Variants in NDUFAF6 observed in about 807,000 individuals in gnomAD.
NDUFAF6 encodes NADH dehydrogenase (ubiquinone) complex I, assembly factor 6.
NDUFAF6 carries 45 observed loss-of-function variants against 40.8 expected under a neutral mutation model. That is an observed-to-expected ratio of 1.10 (90% CI 0.87 to 1.42). NDUFAF6 has a LOEUF of 1.42. Among genes scored for constraint, NDUFAF6 ranks in the 40% most tolerant of loss-of-function variants. The pLI is 0.00. For synonymous variants in NDUFAF6, 185 were observed against 155.9 expected (o/e 1.19, Z -1.39); for missense variants, 435 against 418.5 (o/e 1.04, Z -0.34).
At chr8:95,049,025 C>T (rs1373168489) in intron 7 of NDUFAF6, among the ~76,000 whole-genome samples, 3 of 152,164 alleles carry the variant, frequency 2.0e-5, no homozygotes, top group Non-Finnish European at 4.4e-5. Flanking sequence ...GTATTTTTCT[C>T]TCCTAGGTGA....
intron 1 of NDUFAF6, among the ~76,000 whole-genome samples, chr8:95,025,514 A>G (rs1482192340): frequency 2.6e-5 from 4 of 152,324 alleles, no homozygotes; most frequent in East Asian, 3.9e-4. Flanking sequence ...CAGAACGTCT[A>G]TTAGTTTTAA....
chr8:94,948,874 G>A (rs1822269446), intron 2 of NDUFAF6, among the ~76,000 whole-genome samples: 1 of 151,844 alleles, frequency 6.6e-6, no homozygotes, highest in Admixed American at 6.6e-5. Context: ...GCCCAGCGCC[G>A]GGGCCAGGCC....
intron 9 of NDUFAF6, among the ~76,000 whole-genome samples, chr8:95,074,810 C>G (rs940933270): frequency 1.3e-5 from 2 of 152,138 alleles, no homozygotes; most frequent in African/African-American, 4.8e-5. Flanking sequence ...GGTTTCCTGT[C>G]CTTAGATTCC....
intron 4 of NDUFAF6, among the ~76,000 whole-genome samples, chr8:95,043,154 G>A (rs1022555102): frequency 5.4e-5 from 8 of 149,056 alleles, no homozygotes; most frequent in African/African-American, 1.7e-4. Flanking sequence ...ACACGATCTC[G>A]GCTCACTGCA....
chr8:95,091,202 G>C (rs188492373), intron 2 of NDUFAF6, among the ~76,000 whole-genome samples: 2 of 152,130 alleles, frequency 1.3e-5, no homozygotes, highest in Non-Finnish European at 2.9e-5. Flanking sequence ...AATTTATAAA[G>C]GAAAGAGGTT....
At position 94,934,255 on chromosome 8, in the gene NDUFAF6, A is replaced by G. The variant is rs570254291; in HGVS notation, c.-935-11228A>G. ...AATTTTTGCATATTTGTATTTTCTA[A>G]TTTTTTTACATTGCATTTGTACTGT... On this transcript the variant is annotated intron_variant, in intron 1 of 14. Coordinates refer to the NDUFAF6 transcript ENST00000396113. 1.6e-4 allele frequency among the ~76,000 whole-genome samples: 25 copies of G among 152,140 alleles called. No homozygotes were observed. In the South Asian group the frequency reaches 2.7e-3, roughly 16 times the overall value.
intron 1 of NDUFAF6, among the ~76,000 whole-genome samples, chr8:94,919,440 G>C (rs1470264157): frequency 6.6e-6 from 1 of 152,190 alleles, no homozygotes; most frequent in African/African-American, 2.4e-5. Flanking sequence ...ACCTGAGCCA[G>C]AGTAGGCTCA....
downstream of NDUFAF6, among the ~76,000 whole-genome samples, chr8:95,059,138 A>T (rs1197016555): frequency 2.8e-4 from 43 of 152,200 alleles, no homozygotes; most frequent in Non-Finnish European, 1.9e-4. Flanking sequence ...GGTCGATCTG[A>T]CTCTAAATGA....
chr8:95,031,999 C>G lies in NDUFAF6; in HGVS notation c.202C>G (p.Arg68Gly). The G allele has an allele frequency of 6.2e-7, 1 of 1,613,646 alleles. No homozygotes were observed. Among genetic ancestry groups the G allele is most frequent in the Non-Finnish European group, 8.5e-7 (1 of 1,179,628 alleles). Residue 68 changes from arginine to glycine, a missense_variant, in exon 2 of 9, where the codon CGG (arginine) becomes GGG (glycine). Coordinates refer to ENST00000396124, the MANE Select transcript of NDUFAF6 (RefSeq NM_152416.4). ...TTTTTTTTCTGTCTGTTACAGGAAACGGGATTATGAAGGTTATTTATGCTC... is the reference window on the plus strand; with the variant it reads ...TTTTTTTTCTGTCTGTTACAGGAAAGGGGATTATGAAGGTTATTTATGCTC... ...DHYCLELLRKRDYEGYLCSLL... is the reference protein window; with the variant it reads ...DHYCLELLRKGDYEGYLCSLL...
chr8:95,096,206 C>T (rs137968127), upstream of NDUFAF6, among the ~76,000 whole-genome samples: 11 of 152,126 alleles, frequency 7.2e-5, no homozygotes, highest in Non-Finnish European at 1.5e-4. Context: ...AGTTTAGGGG[C>T]AGTGGGTATG....
intron 2 of NDUFAF6, among the ~76,000 whole-genome samples, chr8:95,085,244 G>A (rs1315429691): frequency 6.6e-6 from 1 of 152,142 alleles, no homozygotes; most frequent in Non-Finnish European, 1.5e-5. Flanking sequence ...TAGATAATGT[G>A]ATTCAAGATG....
chr8:95,043,122 GT>G (rs1286332583), intron 4 of NDUFAF6, among the ~76,000 whole-genome samples: 2 of 144,318 alleles, frequency 1.4e-5, no homozygotes, highest in African/African-American at 5.2e-5. Flanking sequence ...GTCTCGCTCT[GT>G]TGCCAGGCTG....
At chr8:95,025,768 A>T (rs1484173364) in intron 1 of NDUFAF6, among the ~76,000 whole-genome samples, 4 of 152,258 alleles carry the variant, frequency 2.6e-5, no homozygotes, top group Non-Finnish European at 4.4e-5. Flanking sequence ...AATTTGCCAC[A>T]GGTTCACAAG....
intron 4 of NDUFAF6, among the ~76,000 whole-genome samples, chr8:95,042,483 A>G (rs1830255577): frequency 6.6e-6 from 1 of 152,224 alleles, no homozygotes; most frequent in Non-Finnish European, 1.5e-5. Context: ...GGAACTCAAG[A>G]CAGAGATACC....
chr8:95,077,757 T>C (rs1209993615), downstream of NDUFAF6, among the ~76,000 whole-genome samples: 2 of 151,944 alleles, frequency 1.3e-5, no homozygotes, highest in African/African-American at 4.8e-5. Flanking sequence ...GGGATGTTAT[T>C]CTGGGTTGTA....
At position 95,006,106 on chromosome 8, in the gene NDUFAF6, T is replaced by C. The variant is rs539946401; in HGVS notation, c.-84+25133T>C. Among the ~76,000 whole-genome samples the C allele has an allele frequency of 2.5e-3, 383 of 151,880 alleles. 4 individuals carry two copies. Among genetic ancestry groups the C allele is most frequent in the African/African-American group, 8.8e-3 (364 of 41,454 alleles). ...GGCGCGGTGGCTCACGCCTGTAATC[T>C]CAGCACTTTGGGAGGCCGAGGTGGG... On this transcript the variant is annotated intron_variant, in intron 2 of 9. Transcript: ENST00000396111.
chr8:95,117,683 C>T (rs903294760), downstream of NDUFAF6, among the ~76,000 whole-genome samples: 2 of 152,152 alleles, frequency 1.3e-5, no homozygotes, highest in African/African-American at 4.8e-5. Flanking sequence ...TTAGACAGGC[C>T]GTATGACTAG....
intron 1 of NDUFAF6, among the ~76,000 whole-genome samples, chr8:94,915,828 C>T (rs1413817243): frequency 6.6e-6 from 1 of 152,108 alleles, no homozygotes; most frequent in Non-Finnish European, 1.5e-5. Context: ...AAGTTTCTGT[C>T]TAGGAACTGG....
At chr8:94,932,473 G>C (rs1052854349) in intron 1 of NDUFAF6, among the ~76,000 whole-genome samples, 2 of 152,216 alleles carry the variant, frequency 1.3e-5, no homozygotes, top group South Asian at 2.1e-4. Flanking sequence ...GGTAACACCT[G>C]ATTTCCACCT....
Sources: allele counts gnomAD v4.1 joint callset (sites outside exome capture counted in the v4.1 genomes callset), GRCh38; gene constraint gnomAD v4.1.1; transcripts MANE v1.5; gene names NCBI Gene and HGNC (gene_info 2026-07-23, HGNC 2026-07-21).